Variants in GNG2 observed in about 807,000 individuals in gnomAD.
GNG2 encodes guanine nucleotide-binding protein G(I)/G(S)/G(O) subunit gamma-2.
A neutral mutation model predicts 5.5 loss-of-function variants in GNG2; 5 were observed. That is an observed-to-expected ratio of 0.91 (90% CI 0.48 to 1.92). The LOEUF (loss-of-function observed/expected upper bound fraction) is 1.92. GNG2 is among the 30% of genes most tolerant of loss of function. The pLI is 0.01. For missense variants in GNG2, 55 were observed against 88.4 expected (o/e 0.62, Z 1.52); for synonymous variants, 28 against 32.0 (o/e 0.88, Z 0.42).
At chr14:51,831,792 A>C (rs938431448) in intron 2 of GNG2, among the ~76,000 whole-genome samples, 1 of 152,222 alleles carries the variant, frequency 6.6e-6, no homozygotes, top group African/African-American at 2.4e-5. Flanking sequence ...TCGCAGTCTA[A>C]CATTTAAAAA....
intron 2 of GNG2, among the ~76,000 whole-genome samples, chr14:51,879,588 T>G (rs572626747): frequency 2.2e-4 from 34 of 152,326 alleles, no homozygotes; most frequent in African/African-American, 7.9e-4. Flanking sequence ...AAGACTGTGT[T>G]CCTTTCTGAA....
At chr14:51,879,802 T>A (rs187051648) in intron 2 of GNG2, among the ~76,000 whole-genome samples, 57 of 152,308 alleles carry the variant, frequency 3.7e-4, no homozygotes, top group Non-Finnish European at 6.0e-4. Flanking sequence ...AATCTCCTCA[T>A]CACCAGGGCC....
At chr14:51,962,235 A>G (rs534344357) in intron 3 of GNG2, among the ~76,000 whole-genome samples, 21 of 152,006 alleles carry the variant, frequency 1.4e-4, no homozygotes, top group Admixed American at 5.2e-4. Context: ...TTTTAAAAAT[A>G]TATGTGATGT....
chr14:51,854,347 A>G (rs1269207420), intron 2 of GNG2, among the ~76,000 whole-genome samples: 1 of 152,196 alleles, frequency 6.6e-6, no homozygotes, highest in African/African-American at 2.4e-5. Flanking sequence ...GGTTTGGAAC[A>G]GTTTCTGCTT....
intron 2 of GNG2, among the ~76,000 whole-genome samples, chr14:51,906,024 G>A (rs906806243): frequency 6.6e-6 from 1 of 152,184 alleles, no homozygotes; most frequent in Non-Finnish European, 1.5e-5. Flanking sequence ...CTAATACACA[G>A]GGTACCCTTC....
At chr14:51,934,724 T>C (rs1488250604) in intron 2 of GNG2, among the ~76,000 whole-genome samples, 1 of 152,170 alleles carries the variant, frequency 6.6e-6, no homozygotes, top group Non-Finnish European at 1.5e-5. Flanking sequence ...GGTCAGTTCA[T>C]TAAGCATCTT....
In GNG2 at chr14:51,878,577, G is replaced by C. The variant is rs182857917; in HGVS notation, c.-30+920G>C. On this transcript the variant is annotated intron_variant, in intron 2 of 3. Coordinates refer to ENST00000556766, the MANE Select transcript of GNG2 (RefSeq NM_053064.5). ...ACTCATAACCTGACTTGCTTTACTG[G>C]AGCTAGTCATCCATCCATTTACGCA... Among the ~76,000 whole-genome samples, 18 of 152,194 alleles carry C rather than the reference G, an allele frequency of 1.2e-4. No homozygotes were observed. The East Asian group carries it at 3.3e-3, about 28-fold the overall frequency.
chr14:51,870,022 AG>A (rs1376393433), intron 1 of GNG2, among the ~76,000 whole-genome samples: 1 of 152,218 alleles, frequency 6.6e-6, no homozygotes, highest in Non-Finnish European at 1.5e-5. Flanking sequence ...AGCAAGGAAG[AG>A]GGGGTTAGTG....
chr14:51,904,993 T>C (rs12588519), intron 2 of GNG2, among the ~76,000 whole-genome samples: 9,938 of 152,298 alleles, frequency 0.065, 625 homozygotes, highest in East Asian at 0.31. Flanking sequence ...TGGAAATATA[T>C]CTACACTTAA....
chr14:51,891,298 C>T (rs1566668242), intron 2 of GNG2, among the ~76,000 whole-genome samples: 1 of 152,204 alleles, frequency 6.6e-6, no homozygotes, highest in Non-Finnish European at 1.5e-5. Context: ...TCAACAATTC[C>T]TTCCCATTTG....
chr14:51,874,629 G>A (rs1482393817), intron 1 of GNG2, among the ~76,000 whole-genome samples: 8 of 151,890 alleles, frequency 5.3e-5, no homozygotes, highest in African/African-American at 1.9e-4. Flanking sequence ...CTACTACTTG[G>A]GAGGCTGATG....
At chr14:51,897,101 A>G (rs1408004301) in intron 2 of GNG2, among the ~76,000 whole-genome samples, 1 of 152,250 alleles carries the variant, frequency 6.6e-6, no homozygotes, top group Non-Finnish European at 1.5e-5. Flanking sequence ...TTTAGCCACA[A>G]TCCAGGAGTG....
intron 2 of GNG2, among the ~76,000 whole-genome samples, chr14:51,881,792 T>C (rs1884098087): frequency 6.6e-6 from 1 of 150,574 alleles, no homozygotes; most frequent in South Asian, 2.1e-4. Context: ...TCTATTTCAA[T>C]TCTTTTTTTT....
chr14:51,951,914 G>A (rs775494814), intron 3 of GNG2: 16 of 701,928 alleles, frequency 2.3e-5, no homozygotes, highest in South Asian at 1.6e-4. Context: ...GGTCTACAGC[G>A]ATGGTTCTCA....
Position 51,896,293 on chromosome 14 carries a change from T to A in GNG2, c.-30+18636T>A, listed in dbSNP as rs567686734. Among the ~76,000 whole-genome samples the A allele has an allele frequency of 1.2e-4, 18 of 152,312 alleles. No homozygotes were observed. In the South Asian group the frequency reaches 3.7e-3, roughly 32 times the overall value. Reference sequence around the variant, plus strand: ...TTAGAGAACATCTATAATTATCAAGTTTTTTTATAACACATTATTTCATTC... The same window carrying A: ...TTAGAGAACATCTATAATTATCAAGATTTTTTATAACACATTATTTCATTC... On this transcript the variant is annotated intron_variant, in intron 2 of 3. Transcript: ENST00000556766.
At chr14:51,858,474 T>C (rs568660204), upstream of GNG2, among the ~76,000 whole-genome samples, 2 of 152,312 alleles carry the variant, frequency 1.3e-5, no homozygotes, top group Non-Finnish European at 2.9e-5. Flanking sequence ...TTTTCCTATA[T>C]AGGCTTAAGT....
intron 1 of GNG2, among the ~76,000 whole-genome samples, chr14:51,876,018 G>A (rs915057741): frequency 6.9e-6 from 1 of 145,222 alleles, no homozygotes; most frequent in Non-Finnish European, 1.5e-5. Flanking sequence ...GCTCACTATA[G>A]CCTCACTCTC....
chr14:51,828,382 TATC>T (rs1881090284), intron 2 of GNG2, among the ~76,000 whole-genome samples: 1 of 152,194 alleles, frequency 6.6e-6, no homozygotes, highest in Non-Finnish European at 1.5e-5. Context: ...GCACAATTGT[TATC>T]ATAAAGGAAA....
intron 2 of GNG2, 106 bp from the exon 3 acceptor site, chr14:51,950,544 G>A: frequency 1.5e-6 from 1 of 679,926 alleles, no homozygotes; most frequent in South Asian, 1.9e-5. Flanking sequence ...GGAGAAGCCA[G>A]GCCTGGCTAC....
Sources: gnomAD v4.1 joint callset for allele counts (sites outside exome capture counted in the v4.1 genomes callset) on GRCh38, gnomAD v4.1.1 for gene constraint, MANE v1.5 for transcripts, NCBI Gene and HGNC (gene_info 2026-07-23, HGNC 2026-07-21) for gene names.